GRIK4: variants seen among roughly 807,000 people sequenced by gnomAD.
The protein encoded by GRIK4 is glutamate receptor ionotropic, kainate 4.
In GRIK4, 40 loss-of-function variants were observed where a neutral mutation model predicts 104.9. That is an observed-to-expected ratio of 0.38 (90% confidence interval 0.30 to 0.50). The LOEUF (loss-of-function observed/expected upper bound fraction) is 0.50, where lower values mean the gene tolerates loss of function less well. Among genes scored for constraint, GRIK4 ranks in the 20% least tolerant of loss-of-function variants. The pLI is 0.93. For missense variants in GRIK4, 1,047 were observed against 1,308.1 expected (o/e 0.80, Z 3.08); for synonymous variants, 485 against 524.9 (o/e 0.92, Z 1.04).
chr11:120,964,572 A>G (rs7128009), intron 18 of GRIK4, among the ~76,000 whole-genome samples: 121,931 of 152,212 alleles, frequency 0.8, 49,054 homozygotes, highest in African/African-American at 0.83. Flanking sequence ...TAAGGCACAC[A>G]TTGATGATAC....
intron 1 of GRIK4, among the ~76,000 whole-genome samples, chr11:120,535,291 G>T (rs1947962277): frequency 1.2e-4 from 18 of 146,002 alleles, no homozygotes; most frequent in Admixed American, 1.1e-3. Flanking sequence ...AGAGGGAAGG[G>T]GGGTGCAGAT....
At chr11:120,815,005 T>C (rs1413227812) in intron 4 of GRIK4, among the ~76,000 whole-genome samples, 1 of 152,210 alleles carries the variant, frequency 6.6e-6, no homozygotes, top group African/African-American at 2.4e-5. Context: ...GCAGCTGTGC[T>C]GGGGCTCCCC....
intron 8 of GRIK4, among the ~76,000 whole-genome samples, chr11:120,848,620 C>T (rs1351378695): frequency 2.6e-5 from 4 of 152,124 alleles, no homozygotes; most frequent in African/African-American, 9.7e-5. Context: ...TGCTCTCCAC[C>T]CACAGCAAGA....
chr11:120,953,307 A>G lies in GRIK4; in HGVS notation c.1700+343A>G, dbSNP rs546324323. Among the ~76,000 whole-genome samples the G allele has an allele frequency of 3.9e-5, 6 of 152,300 alleles. No individual in the cohort carries two copies. The highest frequency in any genetic ancestry group is 1.4e-4 in the African/African-American group (6 of 41,572). On this transcript the variant is annotated intron_variant, in intron 15 of 20. Transcript: ENST00000527524. The surrounding 1 kb of genome is among the most constrained non-coding windows in gnomAD (Gnocchi z 4.9). Reference sequence around the variant, plus strand: ...AGAGAGGAGGGGTGGGGTTGGCAGGAAGATGACTCTCATTAAGCACTGTGC... The same window carrying G: ...AGAGAGGAGGGGTGGGGTTGGCAGGGAGATGACTCTCATTAAGCACTGTGC...
chr11:120,871,752 G>C (rs1346345656), intron 9 of GRIK4: 1 of 456,198 alleles, frequency 2.2e-6, no homozygotes, highest in Admixed American at 2.4e-5. Context: ...AATAAAAGTG[G>C]GAATAAAGCA....
intron 3 of GRIK4, among the ~76,000 whole-genome samples, chr11:120,783,767 C>T (rs1952209213): frequency 6.6e-6 from 1 of 152,154 alleles, no homozygotes. Context: ...TGAGGAAATT[C>T]ATGCAGACAG....
At chr11:120,566,462 G>A (rs922653449) in intron 1 of GRIK4, among the ~76,000 whole-genome samples, 3 of 152,174 alleles carry the variant, frequency 2.0e-5, no homozygotes, top group African/African-American at 2.4e-5. Context: ...ATCTACGGAC[G>A]AAGTTGGGCC....
chr11:120,715,601 C>T (rs995829582), intron 3 of GRIK4, among the ~76,000 whole-genome samples: 3 of 152,156 alleles, frequency 2.0e-5, no homozygotes, highest in Non-Finnish European at 2.9e-5. Flanking sequence ...TCTAGACATT[C>T]GTTTTCCCCA....
intron 3 of GRIK4, among the ~76,000 whole-genome samples, chr11:120,778,259 T>C (rs958456052): frequency 6.6e-6 from 1 of 152,198 alleles, no homozygotes; most frequent in Non-Finnish European, 1.5e-5. Context: ...GAATGTGCTT[T>C]TGATGTGTAG....
At chr11:120,724,705 A>AT (rs1950997830) in intron 3 of GRIK4, among the ~76,000 whole-genome samples, 1 of 152,238 alleles carries the variant, frequency 6.6e-6, no homozygotes, top group Non-Finnish European at 1.5e-5. Flanking sequence ...TTATTTGTAA[A>AT]TTCAGAGTAA....
chr11:120,580,304 C>G (rs572400364), intron 1 of GRIK4, among the ~76,000 whole-genome samples: 1 of 148,646 alleles, frequency 6.7e-6, no homozygotes, highest in East Asian at 2.0e-4. Context: ...GAGACAGAGT[C>G]TCACTCTGTC....
intron 2 of GRIK4, among the ~76,000 whole-genome samples, 198 bp downstream of exon 2, chr11:120,653,990 A>G (rs541013910): frequency 1.3e-5 from 2 of 152,064 alleles, no homozygotes; most frequent in African/African-American, 2.4e-5. Flanking sequence ...TGTCAAATAG[A>G]TGGGGAATTT....
At chr11:120,898,781 C>T in intron 12 of GRIK4, 142 bp downstream of exon 12, 1 of 626,796 alleles carries the variant, frequency 1.6e-6, no homozygotes, top group Non-Finnish European at 2.9e-6. Flanking sequence ...TAATTACACT[C>T]AAGTTGCTGT....
intron 3 of GRIK4, among the ~76,000 whole-genome samples, chr11:120,745,600 G>A (rs1951424848): frequency 6.6e-6 from 1 of 152,140 alleles, no homozygotes; most frequent in African/African-American, 2.4e-5. Context: ...GGAAGATTTG[G>A]GTGAAAGGGT....
In GRIK4 at chr11:120,607,465, C is replaced by T. The variant is rs533497979; in HGVS notation, c.-158-46220C>T. Among the ~76,000 whole-genome samples the T allele has an allele frequency of 2.4e-3, 358 of 151,842 alleles. 1 individual carries two copies. The highest frequency in any genetic ancestry group is 8.2e-3 in the African/African-American group (338 of 41,380). ...GGGCAGGGCCCTGTGGGCATCTGCA[C>T]GGTGGGTGAGGGGAGGGAGGAGTCA... On this transcript the variant is annotated intron_variant, in intron 1 of 20. Coordinates refer to ENST00000527524, the MANE Select transcript of GRIK4 (RefSeq NM_014619.5).
Position 120,874,227 on chromosome 11 carries a change from C to T in GRIK4, c.1059+9C>T, listed in dbSNP as rs775656824. On this transcript the variant is annotated intron_variant, in intron 10 of 20. Transcript: ENST00000527524. Reference sequence around the variant, plus strand: ...TGAACTACCTGCGCATGGTGAGGAGCGGCTGAGGCCCTGCAGGGCTGTGCC... The same window carrying T: ...TGAACTACCTGCGCATGGTGAGGAGTGGCTGAGGCCCTGCAGGGCTGTGCC... 29 of 1,606,034 alleles carry T rather than the reference C, an allele frequency of 1.8e-5. No homozygotes were observed. The highest frequency in any genetic ancestry group is 1.6e-4 in the Middle Eastern group (1 of 6,068).
intron 20 of GRIK4, among the ~76,000 whole-genome samples, chr11:120,985,654 G>T (rs888607454): frequency 6.6e-6 from 1 of 150,444 alleles, no homozygotes; most frequent in Admixed American, 6.6e-5. Flanking sequence ...TGAGATCATT[G>T]TCTTTGAAGG....
intron 7 of GRIK4, among the ~76,000 whole-genome samples, chr11:120,832,997 C>T (rs1953470478): frequency 6.6e-6 from 1 of 152,170 alleles, no homozygotes; most frequent in African/African-American, 2.4e-5. Flanking sequence ...AACCTGCCGT[C>T]TTCCACTGGG....
chr11:120,684,099 A>G (rs555078809), intron 3 of GRIK4, among the ~76,000 whole-genome samples: 1 of 152,246 alleles, frequency 6.6e-6, no homozygotes, highest in African/African-American at 2.4e-5. Context: ...CTGAGGTGGG[A>G]GGATTGCTTG....
Sources: allele counts gnomAD v4.1 joint callset (sites outside exome capture counted in the v4.1 genomes callset), GRCh38; gene constraint gnomAD v4.1.1; non-coding constraint Gnocchi (gnomAD v3.1); transcripts MANE v1.5; gene names NCBI Gene and HGNC (gene_info 2026-07-23, HGNC 2026-07-21).